Variants in KLHL4 observed in about 807,000 individuals in gnomAD.
KLHL4 encodes kelch like family member 4.
KLHL4 carries 17 observed loss-of-function variants against 45.8 expected under a neutral mutation model. The ratio of observed to expected loss-of-function variants is 0.37; its 90% CI spans 0.25 to 0.56. KLHL4 has a LOEUF of 0.56. KLHL4 is among the 20% of genes least tolerant of loss of function. The pLI, the probability that KLHL4 is intolerant of heterozygous loss-of-function variation, is 0.79. For synonymous variants in KLHL4, 224 were observed against 189.9 expected (o/e 1.18, Z -1.47); for missense variants, 544 against 544.9 (o/e 1.00, Z 0.02).
intron 1 of KLHL4, among the ~76,000 whole-genome samples, chrX:87,552,209 A>G (rs1021069161): frequency 3.6e-5 from 4 of 110,713 alleles, no homozygotes; most frequent in African/African-American, 1.3e-4. Flanking sequence ...GAAAAAAACA[A>G]TCCCATCAAA....
chrX:87,656,328 G>C (rs1336273072), intron 9 of KLHL4, among the ~76,000 whole-genome samples: 1 of 110,140 alleles, frequency 9.1e-6, no homozygotes, highest in Non-Finnish European at 1.9e-5. Context: ...TAATTTGTAA[G>C]TTGGGACATT....
chrX:87,662,855 A>G (rs1384107349), intron 9 of KLHL4, among the ~76,000 whole-genome samples: 21 of 105,098 alleles, frequency 2.0e-4, no homozygotes, highest in African/African-American at 6.0e-4. Flanking sequence ...GCGTGAACCC[A>G]GGAGGCGGAG....
chrX:87,633,358 G>A (rs1923160244), intron 7 of KLHL4, among the ~76,000 whole-genome samples: 1 of 111,955 alleles, frequency 8.9e-6, no homozygotes, highest in Admixed American at 9.5e-5. Context: ...ACCTACTACA[G>A]TCAGCCTGTA....
intron 1 of KLHL4, among the ~76,000 whole-genome samples, chrX:87,555,077 A>T (rs182841916): frequency 8.9e-5 from 8 of 90,197 alleles, no homozygotes; most frequent in Non-Finnish European, 1.7e-4. Flanking sequence ...CCCCCTTGAT[A>T]ATGGTGGATA....
At chrX:87,535,354 G>C (rs1209978252) in intron 1 of KLHL4, among the ~76,000 whole-genome samples, 4 of 111,760 alleles carry the variant, frequency 3.6e-5, no homozygotes, top group African/African-American at 1.3e-4. Context: ...GATAGCTGAA[G>C]ATACTAGAAA....
At chrX:87,555,756 G>T (rs1303145617) in intron 1 of KLHL4, among the ~76,000 whole-genome samples, 14 of 107,177 alleles carry the variant, frequency 1.3e-4, no homozygotes, top group African/African-American at 4.7e-4. Flanking sequence ...CTTGCCTTCT[G>T]CTAGCTTTTG....
intron 1 of KLHL4, among the ~76,000 whole-genome samples, chrX:87,522,091 T>G (rs2076305939): frequency 8.9e-6 from 1 of 112,625 alleles, no homozygotes; most frequent in Admixed American, 9.4e-5. Context: ...ATCTGTTTTA[T>G]GAAATATGCT....
intron 1 of KLHL4, among the ~76,000 whole-genome samples, chrX:87,530,253 T>G (rs1486667687): frequency 3.6e-5 from 4 of 110,470 alleles, no homozygotes; most frequent in Non-Finnish European, 7.6e-5. Context: ...TTTATGGTTT[T>G]AGGTCTAACA....
At chrX:87,628,965 C>T (rs986662631) in intron 6 of KLHL4, among the ~76,000 whole-genome samples, 3 of 111,983 alleles carry the variant, frequency 2.7e-5, no homozygotes, top group African/African-American at 6.5e-5. Context: ...CTTGTACGTA[C>T]ATAATATTTT....
intron 9 of KLHL4, among the ~76,000 whole-genome samples, chrX:87,647,767 T>G (rs1037927549): frequency 1.8e-5 from 2 of 111,236 alleles, no homozygotes; most frequent in Non-Finnish European, 3.8e-5. Flanking sequence ...GTCTACACAT[T>G]TGGTGATGGG....
intron 5 of KLHL4, among the ~76,000 whole-genome samples, chrX:87,624,720 T>C (rs222072): frequency 0.38 from 41,780 of 110,977 alleles, 6,037 homozygotes; most frequent in Middle Eastern, 0.47. Context: ...TTCTCTCCAA[T>C]TCATCTCATG....
intron 1 of KLHL4, among the ~76,000 whole-genome samples, chrX:87,579,334 A>G (rs1921199961): frequency 8.9e-6 from 1 of 111,955 alleles, no homozygotes; most frequent in Non-Finnish European, 1.9e-5. Flanking sequence ...ATAATAATAA[A>G]GAGTGAGAAA....
chrX:87,624,005 C>T (rs1351693911), intron 5 of KLHL4, among the ~76,000 whole-genome samples: 1 of 112,274 alleles, frequency 8.9e-6, no homozygotes, highest in African/African-American at 3.2e-5. Context: ...TTCATGGAAA[C>T]AGGCTGAAGA....
chrX:87,537,295 CTGTT>C (rs1465843980), intron 1 of KLHL4, among the ~76,000 whole-genome samples: 1 of 111,351 alleles, frequency 9.0e-6, no homozygotes, highest in African/African-American at 3.3e-5. Flanking sequence ...AACACATCAT[CTGTT>C]TGACTAAATC....
At chrX:87,531,041 T>C (rs1335341540) in intron 1 of KLHL4, among the ~76,000 whole-genome samples, 2 of 112,520 alleles carry the variant, frequency 1.8e-5, no homozygotes, top group Non-Finnish European at 3.7e-5. Flanking sequence ...CATTTTTTCA[T>C]GTGTCCTTTG....
chrX:87,614,670 A>G, intron 3 of KLHL4, 100 bp downstream of exon 3: 2 of 741,851 alleles, frequency 2.7e-6, no homozygotes, highest in Non-Finnish European at 3.8e-6. Context: ...TACTACTACT[A>G]TTCTTCATAG....
chrX:87,648,128 A>G (rs994611776), intron 9 of KLHL4, among the ~76,000 whole-genome samples: 13 of 111,295 alleles, frequency 1.2e-4, no homozygotes, highest in African/African-American at 4.2e-4. Flanking sequence ...GTTAAAATAA[A>G]TGTTATGACT....
At chrX:87,624,365 T>C (rs1922855246) in intron 5 of KLHL4, among the ~76,000 whole-genome samples, 2 of 111,872 alleles carry the variant, frequency 1.8e-5, no homozygotes, top group Admixed American at 1.9e-4. Flanking sequence ...ATGAAATATA[T>C]AAAAAGGATG....
At chrX:87,596,099 G>A (rs189310376) in intron 1 of KLHL4, among the ~76,000 whole-genome samples, 2 of 111,314 alleles carry the variant, frequency 1.8e-5, no homozygotes, top group South Asian at 3.8e-4. Context: ...CTGGCCATGT[G>A]ACATGTCTGC....
Sources: gnomAD v4.1 joint callset for allele counts (sites outside exome capture counted in the v4.1 genomes callset) on GRCh38, gnomAD v4.1.1 for gene constraint, MANE v1.5 for transcripts, NCBI Gene and HGNC (gene_info 2026-07-23, HGNC 2026-07-21) for gene names.